Variants in RIPOR1 observed in about 807,000 individuals in gnomAD.
The protein encoded by RIPOR1 is RHO family interacting cell polarization regulator 1.
RIPOR1 carries 58 observed loss-of-function variants against 116.5 expected under a neutral mutation model. The observed-to-expected ratio is 0.50, with a 90% CI of 0.40 to 0.62. RIPOR1 has a LOEUF of 0.62. RIPOR1 is among the 20% of genes least tolerant of loss of function. RIPOR1 has a pLI of 0.00. For missense variants in RIPOR1, 1,372 were observed against 1,586.2 expected (o/e 0.86, Z 2.29); for synonymous variants, 605 against 650.0 (o/e 0.93, Z 1.05).
chr16:67,525,386 T>C (rs560159914), upstream of RIPOR1, among the ~76,000 whole-genome samples: 1 of 152,272 alleles, frequency 6.6e-6, no homozygotes, highest in African/African-American at 2.4e-5. Context: ...ATGCTTGCTG[T>C]ATATCTGGCA....
chr16:67,539,322 A>G, intron 4 of RIPOR1: 1 of 532,382 alleles, frequency 1.9e-6, no homozygotes, highest in Non-Finnish European at 3.4e-6. Flanking sequence ...GGACAGCAGG[A>G]GATTCTGCTG....
chr16:67,529,098 C>T lies in RIPOR1; in HGVS notation c.-24+184C>T, dbSNP rs1433377641. Among the ~76,000 whole-genome samples the T allele has an allele frequency of 2.0e-5, 3 of 152,268 alleles. No individual in the cohort carries two copies. The East Asian group carries it at 5.8e-4, about 30-fold the overall frequency. The stretch of plus-strand genomic sequence containing the variant: ...CCCCTCCCCCCGGGCGTGGAGAACG[C>T]AGCTTCTCCCACAAAAGCCGCCGCC... On this transcript the variant is annotated intron_variant, in intron 1 of 21. Coordinates refer to ENST00000042381, the MANE Select transcript of RIPOR1 (RefSeq NM_024519.4). The surrounding 1 kb of genome is among the most constrained non-coding windows in gnomAD (Gnocchi z 4.1).
intron 1 of RIPOR1, among the ~76,000 whole-genome samples, chr16:67,534,835 CTTTTTTTTTTTTT>C (rs553858194): frequency 2.5e-5 from 2 of 79,022 alleles, no homozygotes; most frequent in Admixed American, 1.7e-4. Context: ...TTCTTTTTTT[CTTTTTTTTTTTTT>C]TTTTTTTTTT....
rs1567576608 is a variant in RIPOR1, at chr16:67,543,429, A to G, written c.2560A>G (p.Asn854Asp). ...EHALESFSFLNEDEDEDNDVP... is the reference protein window; with the variant it reads ...EHALESFSFLDEDEDEDNDVP... ...TGCCTTGGAGAGCTTCAGCTTCCTC[A>G]ATGAAGACGAAGATGAAGACAATGA... The change falls in exon 14 of 22, where the codon AAT becomes GAT. Residue 854 changes from asparagine to aspartate, a missense_variant. Transcript: ENST00000042381. This position sits in a 1 kb window ranked among gnomAD's most constrained non-coding sequence, Gnocchi z 4.7. 5.1e-6 allele frequency: 8 copies of G among 1,563,716 alleles called. No homozygotes were observed. The South Asian group carries it at 7.0e-5, about 14-fold the overall frequency.
rs764225441 is a variant in RIPOR1 at position 67,544,254 on chromosome 16, T to G, written c.2601-45T>G. On this transcript the variant is annotated intron_variant, in intron 14 of 21. Transcript: ENST00000042381. This position sits in a 1 kb window ranked among gnomAD's most constrained non-coding sequence, Gnocchi z 5.1. The stretch of plus-strand genomic sequence containing the variant: ...ATAAAAATAAACGCTGGTGACCAGG[T>G]GGTGATGTGTGCCTGTGGGGTGGTG... The G allele has an allele frequency of 1.3e-6, 2 of 1,567,556 alleles. No individual in the cohort carries two copies. The highest frequency in any genetic ancestry group is 1.7e-6 in the Non-Finnish European group (2 of 1,149,730).
At chr16:67,524,857 A>G (rs1329900743), upstream of RIPOR1, among the ~76,000 whole-genome samples, 1 of 152,232 alleles carries the variant, frequency 6.6e-6, no homozygotes, top group East Asian at 1.9e-4. Flanking sequence ...AGCCTCCTTG[A>G]GGCCTCCTGC....
upstream of RIPOR1, among the ~76,000 whole-genome samples, chr16:67,527,499 A>G (rs1314698364): frequency 6.6e-6 from 1 of 152,044 alleles, no homozygotes; most frequent in African/African-American, 2.4e-5. Context: ...TAATCCCAGT[A>G]CTTTGGGAGG....
chr16:67,545,513 G>A lies in RIPOR1; in HGVS notation c.3169G>A (p.Val1057Met), dbSNP rs905495905. ...GGACAGCCCCACCATGGAGGCCTAC[G>A]TGACTGAGACCGCTGAGGAGGGTGA... ...TLDSPTMEAY[V>M]TETAEEVLLV... is the part of the protein sequence containing the mutation. The change falls in exon 18 of 22, where the codon GTG becomes ATG. Residue 1057 changes from valine to methionine, a missense_variant. Transcript: ENST00000042381. This position sits in a 1 kb window ranked among gnomAD's most constrained non-coding sequence, Gnocchi z 4.8. 15 of 1,613,968 alleles carry A rather than the reference G, an allele frequency of 9.3e-6. No individual in the cohort carries two copies. Among genetic ancestry groups the A allele is most frequent in the African/African-American group, 2.7e-5 (2 of 74,942 alleles).
chr16:67,542,679 C>T lies in RIPOR1; in HGVS notation c.1893C>T (p.His631=), dbSNP rs1039187029. The T allele has an allele frequency of 1.2e-6, 2 of 1,613,150 alleles. No homozygotes were observed. The highest frequency in any genetic ancestry group is 1.7e-6 in the Non-Finnish European group (2 of 1,179,702). ...CCCATACCCCCACAAGTCCCACCCA[C>T]AAAACCAGTATGTCACCTCCCACCA... is the stretch of plus-strand genomic sequence containing the variant. The part of the protein sequence containing the change: ...SPTHTPTSPT[H]KTSMSPPTTT... Residue 631 remains histidine, a synonymous_variant, in exon 13 of 22, where the codon CAC becomes CAT. Coordinates refer to ENST00000042381, the MANE Select transcript of RIPOR1 (RefSeq NM_024519.4). The surrounding 1 kb of genome is among the most constrained non-coding windows in gnomAD (Gnocchi z 4.6).
rs2051128603 is a variant in RIPOR1 at position 67,545,284 on chromosome 16, G to T, written c.3032-92G>T. On this transcript the variant is annotated intron_variant, in intron 17 of 21. Transcript: ENST00000042381. This position sits in a 1 kb window ranked among gnomAD's most constrained non-coding sequence, Gnocchi z 4.8. ...CAGATGGGTGGGGTTTGAACAGGGGGCCCCTGGACCTGAGCCTGGGATAGG... is the reference window on the plus strand; with the variant it reads ...CAGATGGGTGGGGTTTGAACAGGGGTCCCCTGGACCTGAGCCTGGGATAGG... The T allele has an allele frequency of 6.5e-7, 1 of 1,540,860 alleles. No individual in the cohort carries two copies. The highest frequency in any genetic ancestry group is 8.8e-7 in the Non-Finnish European group (1 of 1,138,432).
chr16:67,520,178 G>C (rs976062876), intron 1 of RIPOR1, among the ~76,000 whole-genome samples: 1 of 150,768 alleles, frequency 6.6e-6, no homozygotes, highest in Non-Finnish European at 1.5e-5. Flanking sequence ...AGGAGTTCAA[G>C]ACCAGCCTGG....
rs1368939892 is a variant in RIPOR1, at chr16:67,545,060, T to C, written c.2974T>C (p.Phe992Leu). 6.2e-7 allele frequency: 1 copy of C among 1,613,090 alleles called. No homozygotes were observed. Among genetic ancestry groups the C allele is most frequent in the Non-Finnish European group, 8.5e-7 (1 of 1,180,026 alleles). Reference protein sequence around the residue: ...LCPVERVLLTFCNQYGARLSL... With the variant: ...LCPVERVLLTLCNQYGARLSL... The stretch of plus-strand genomic sequence containing the variant: ...CCCGGTGGAGCGGGTGCTTCTCACC[T>C]TCTGCAACCAGTATGGTGCCCGCCT... Residue 992 changes from phenylalanine to leucine, a missense_variant, in exon 17 of 22, where the codon TTC (phenylalanine) becomes CTC (leucine). This residue lies in a region of RIPOR1 where 1,005 missense variants were observed against 1,144.7 expected (regional missense o/e 0.88). Transcript: ENST00000042381. The surrounding 1 kb of genome is among the most constrained non-coding windows in gnomAD (Gnocchi z 4.8).
Position 67,542,582 on chromosome 16 carries a change from C to A in RIPOR1, c.1796C>A (p.Thr599Lys). ...ATCATAGGCCCAGTCCAGACTACCA[C>A]AAGCCCCACCCACACTATGCCAAGC... ...LNIIGPVQTT[T>K]SPTHTMPSPT... Residue 599 changes from threonine to lysine, a missense_variant, in exon 13 of 22, where the codon ACA becomes AAA. By Grantham distance (78) the Thr-to-Lys change is moderately conservative. This residue lies in a region of RIPOR1 where 1,005 missense variants were observed against 1,144.7 expected (regional missense o/e 0.88). Transcript: ENST00000042381. This position sits in a 1 kb window ranked among gnomAD's most constrained non-coding sequence, Gnocchi z 4.6. 1 of 1,613,978 alleles carries A rather than the reference C, an allele frequency of 6.2e-7. No homozygotes were observed. The highest frequency in any genetic ancestry group is 8.5e-7 in the Non-Finnish European group (1 of 1,179,964).
In RIPOR1 at chr16:67,541,709, C is replaced by G. The variant is rs897397820; in HGVS notation, c.1007C>G (p.Thr336Arg). The G allele has an allele frequency of 1.4e-5, 22 of 1,613,978 alleles. No homozygotes were observed. The highest frequency in any genetic ancestry group is 1.7e-5 in the Non-Finnish European group (20 of 1,179,996). Residue 336 changes from threonine to arginine, a missense_variant, in exon 12 of 22, where the codon ACA becomes AGA. Thr to Arg is a moderately conservative substitution (Grantham distance 71). This residue lies in a region of RIPOR1 where 1,005 missense variants were observed against 1,144.7 expected (regional missense o/e 0.88). Transcript: ENST00000042381. The surrounding 1 kb of genome is among the most constrained non-coding windows in gnomAD (Gnocchi z 4.6). ...SAASSVNKAS[T>R]VTKRFSTYSQ... is the part of the protein sequence containing the mutation. ...GCTTCTTCTGTCAACAAGGCCTCCACAGTCACCAAGCGCTTCTCCACCTAT... is the reference window on the plus strand; with the variant it reads ...GCTTCTTCTGTCAACAAGGCCTCCAGAGTCACCAAGCGCTTCTCCACCTAT...
At chr16:67,525,249 G>A (rs1417189679), upstream of RIPOR1, among the ~76,000 whole-genome samples, 1 of 152,172 alleles carries the variant, frequency 6.6e-6, no homozygotes, top group African/African-American at 2.4e-5. Context: ...TCAGCATTTG[G>A]GGACTTGGGA....
In RIPOR1 at chr16:67,545,009, A is replaced by C; in HGVS notation, c.2923A>C (p.Thr975Pro). 6.2e-7 allele frequency: 1 copy of C among 1,613,604 alleles called. No individual in the cohort carries two copies. Among genetic ancestry groups the C allele is most frequent in the African/African-American group, 1.3e-5 (1 of 75,028 alleles). ...PGFLTFWDQCTERLSCFLCPV... is the reference protein window; with the variant it reads ...PGFLTFWDQCPERLSCFLCPV... ...CTTCCTGACCTTCTGGGACCAGTGC[A>C]CAGAGAGACTCAGCTGCTTCCTCTG... The change falls in exon 17 of 22, where the codon ACA becomes CCA. Residue 975 changes from threonine to proline, a missense_variant. Physicochemically the swap from Thr to Pro is conservative, Grantham distance 38. Around this residue, in one of 3 missense-constraint regions of RIPOR1, gnomAD observed 1,005 missense variants for 1,144.7 expected, o/e 0.88. Coordinates refer to ENST00000042381, the MANE Select transcript of RIPOR1 (RefSeq NM_024519.4). This position sits in a 1 kb window ranked among gnomAD's most constrained non-coding sequence, Gnocchi z 4.8.
intron 1 of RIPOR1, among the ~76,000 whole-genome samples, chr16:67,523,011 C>T (rs932128068): frequency 6.6e-6 from 1 of 152,206 alleles, no homozygotes; most frequent in African/African-American, 2.4e-5. Flanking sequence ...CTCCCTCTCT[C>T]TGAAATCATC....
In RIPOR1 at chr16:67,544,197, A is replaced by G; in HGVS notation, c.2601-102A>G. ...CCCCACTGTCTGCTGTCGGTGCATC[A>G]TCTTCTTCCTTTCTGGCATGGGGGA... On this transcript the variant is annotated intron_variant, in intron 14 of 21. Transcript: ENST00000042381. This position sits in a 1 kb window ranked among gnomAD's most constrained non-coding sequence, Gnocchi z 5.1. 2 of 1,449,926 alleles carry G rather than the reference A, an allele frequency of 1.4e-6. No individual in the cohort carries two copies. The highest frequency in any genetic ancestry group is 1.3e-5 in the South Asian group (1 of 74,814). 89.8% of individuals were successfully genotyped at this position (1,449,926 alleles called of 1,614,324 possible).
Position 67,541,232 on chromosome 16 carries a change from AATTT to A in RIPOR1, c.802-197_802-194del. On this transcript the variant is annotated intron_variant, in intron 10 of 21. Transcript: ENST00000042381. This position sits in a 1 kb window ranked among gnomAD's most constrained non-coding sequence, Gnocchi z 4.6. ...AGGTGCACCACCATGCCTGGCTAAAAATTTTTTTTTTTTTTTTTTTTGAGACAGA... is the reference window on the plus strand; with the variant it reads ...AGGTGCACCACCATGCCTGGCTAAAATTTTTTTTTTTTTTTTTGAGACAGA... 1.2e-5 allele frequency: 7 copies of A among 592,634 alleles called. No homozygotes were observed. The highest frequency in any genetic ancestry group is 2.7e-5 in the Admixed American group (1 of 37,244). 36.7% of individuals were successfully genotyped at this position (592,634 alleles called of 1,614,324 possible).
Sources: gnomAD v4.1 joint callset for allele counts (sites outside exome capture counted in the v4.1 genomes callset) on GRCh38, gnomAD v4.1.1 for gene constraint, gnomAD v4.1.1 regional missense constraint, Gnocchi (gnomAD v3.1) non-coding constraint, MANE v1.5 for transcripts, NCBI Gene and HGNC (gene_info 2026-07-23, HGNC 2026-07-21) for gene names.